MACROD2: variants seen among roughly 807,000 people sequenced by gnomAD.
MACROD2 encodes mono-ADP ribosylhydrolase 2.
In MACROD2, 36 loss-of-function variants were observed where a neutral mutation model predicts 70.4. That is an observed-to-expected ratio of 0.51 (90% CI 0.39 to 0.68). MACROD2 has a LOEUF of 0.68. MACROD2 is among the 30% of genes least tolerant of loss of function. The pLI, the probability that MACROD2 is intolerant of heterozygous loss-of-function variation, is 0.00. For missense variants in MACROD2, 496 were observed against 538.4 expected, an observed-to-expected ratio of 0.92 and a Z score of 0.78; for synonymous variants, 172 against 178.8, an observed-to-expected ratio of 0.96 and a Z score of 0.30.
intron 8 of MACROD2, among the ~76,000 whole-genome samples, chr20:15,626,189 A>G (rs1225788856): frequency 6.6e-6 from 1 of 152,210 alleles, no homozygotes; most frequent in Non-Finnish European, 1.5e-5. Context: ...ACTGGAAAAA[A>G]TCCAGAAGAA....
At chr20:15,087,760 T>G (rs2075759696) in intron 5 of MACROD2, among the ~76,000 whole-genome samples, 2 of 151,844 alleles carry the variant, frequency 1.3e-5, no homozygotes, top group South Asian at 4.1e-4. Flanking sequence ...AAAAGACAAA[T>G]ATGAGTGGGA....
intron 5 of MACROD2, among the ~76,000 whole-genome samples, chr20:15,219,992 A>ATTTTTTTTTTTTTTTT: frequency 7.3e-6 from 1 of 137,798 alleles, no homozygotes; most frequent in Non-Finnish European, 1.6e-5. Context: ...ATCACTGCAC[A>ATTTTTTTTTTTTTTTT]TTTTTTTTTT....
At chr20:13,996,786 T>G (rs575129747) in intron 1 of MACROD2, among the ~76,000 whole-genome samples, 1 of 152,358 alleles carries the variant, frequency 6.6e-6, no homozygotes, top group African/African-American at 2.4e-5. Context: ...TAGCAAAAAC[T>G]TCTTGCACTC....
intron 2 of MACROD2, among the ~76,000 whole-genome samples, chr20:14,010,015 T>G (rs1337722706): frequency 6.6e-6 from 1 of 152,116 alleles, no homozygotes; most frequent in Non-Finnish European, 1.5e-5. Flanking sequence ...GAATAGCTAA[T>G]GGATGCTGGG....
chr20:15,464,322 A>G (rs2046857088), intron 7 of MACROD2, among the ~76,000 whole-genome samples: 1 of 152,098 alleles, frequency 6.6e-6, no homozygotes, highest in Non-Finnish European at 1.5e-5. Context: ...GACCCATCTA[A>G]CTGGCTGTTC....
chr20:15,786,962 G>GTTTTGT (rs1166894431), intron 8 of MACROD2, among the ~76,000 whole-genome samples: 2 of 151,974 alleles, frequency 1.3e-5, no homozygotes, highest in African/African-American at 4.8e-5. Flanking sequence ...TTTTTGTTTT[G>GTTTTGT]TTTTGTTTTT....
intron 3 of MACROD2, among the ~76,000 whole-genome samples, chr20:14,351,754 C>G (rs1009717980): frequency 6.6e-6 from 1 of 152,168 alleles, no homozygotes; most frequent in Non-Finnish European, 1.5e-5. Context: ...ACTGCTCTAG[C>G]TAGGACTTTC....
chr20:14,402,949 A>G (rs773398003), intron 3 of MACROD2, among the ~76,000 whole-genome samples: 1 of 152,190 alleles, frequency 6.6e-6, no homozygotes, highest in Non-Finnish European at 1.5e-5. Context: ...ACTCAAAGGA[A>G]TGTAAATGGC....
chr20:14,450,919 A>G (rs1376405234), intron 3 of MACROD2, among the ~76,000 whole-genome samples: 2 of 152,160 alleles, frequency 1.3e-5, no homozygotes, highest in African/African-American at 4.8e-5. Flanking sequence ...AGTAGGCAAG[A>G]GAGCCAGACA....
intron 5 of MACROD2, among the ~76,000 whole-genome samples, chr20:15,227,494 A>G (rs1444113874): frequency 6.6e-6 from 1 of 152,088 alleles, no homozygotes; most frequent in East Asian, 1.9e-4. Context: ...TCCACAAAAT[A>G]AGAGAACCAT....
intron 8 of MACROD2, among the ~76,000 whole-genome samples, chr20:15,642,464 C>T (rs1262653708): frequency 2.0e-5 from 3 of 151,910 alleles, no homozygotes; most frequent in African/African-American, 4.8e-5. Flanking sequence ...TCAATTACCC[C>T]AGGTAAGGAA....
At position 15,492,532 on chromosome 20, in the gene MACROD2, G is replaced by A. The variant is rs142933870; in HGVS notation, c.572-7242G>A. Among the ~76,000 whole-genome samples, 397 of 152,244 alleles carry A rather than the reference G, an allele frequency of 2.6e-3. 2 individuals carry two copies. Among genetic ancestry groups the A allele is most frequent in the African/African-American group, 9.2e-3 (381 of 41,558 alleles). On this transcript the variant is annotated intron_variant, in intron 7 of 17. Coordinates refer to ENST00000684519, the MANE Select transcript of MACROD2 (RefSeq NM_001351661.2). ...ACAACAGAACTTGTGTGCTAAGATG[G>A]AAAAATATTATGGCTATGTTCTCTG...
intron 3 of MACROD2, among the ~76,000 whole-genome samples, chr20:14,310,309 A>C (rs1161635423): frequency 6.6e-6 from 1 of 152,176 alleles, no homozygotes; most frequent in Non-Finnish European, 1.5e-5. Context: ...TTGATCCTAC[A>C]CTTAATGAAC....
rs6033866 is a variant in MACROD2 at position 13,997,096 on chromosome 20, A to T, written c.46+1287A>T. On this transcript the variant is annotated intron_variant, in intron 1 of 17. Transcript: ENST00000684519. Reference sequence around the variant, plus strand: ...CGTGAGGAGGGAATTTTTTTTTTCAAATTTACTGCAGGAAGATTTAATAAT... The same window carrying T: ...CGTGAGGAGGGAATTTTTTTTTTCATATTTACTGCAGGAAGATTTAATAAT... Among the ~76,000 whole-genome samples, 1,425 of 152,212 alleles carry T rather than the reference A, an allele frequency of 9.4e-3. 17 individuals are homozygous for T. Among genetic ancestry groups the T allele is most frequent in the African/African-American group, 0.032 (1,344 of 41,542 alleles).
chr20:15,765,220 C>T (rs754101853), intron 8 of MACROD2, among the ~76,000 whole-genome samples: 1 of 152,168 alleles, frequency 6.6e-6, no homozygotes, highest in Non-Finnish European at 1.5e-5. Flanking sequence ...GAAAGGAATT[C>T]TGGATGCAAT....
At chr20:15,980,220 G>C (rs960775036) in intron 13 of MACROD2, among the ~76,000 whole-genome samples, 1 of 152,176 alleles carries the variant, frequency 6.6e-6, no homozygotes, top group African/African-American at 2.4e-5. Flanking sequence ...GGCCAGGCAG[G>C]CCCAGGCCTG....
At chr20:15,266,837 G>T (rs1012170273) in intron 6 of MACROD2, among the ~76,000 whole-genome samples, 12 of 152,146 alleles carry the variant, frequency 7.9e-5, no homozygotes, top group African/African-American at 2.9e-4. Context: ...ACTACTCATG[G>T]TTACCTAAAT....
intron 3 of MACROD2, among the ~76,000 whole-genome samples, chr20:14,135,949 C>G (rs1247220349): frequency 6.6e-6 from 1 of 152,096 alleles, no homozygotes; most frequent in East Asian, 1.9e-4. Flanking sequence ...AATGTCCATG[C>G]TCACCATTTC....
intron 3 of MACROD2, among the ~76,000 whole-genome samples, chr20:14,439,723 A>T (rs1240103730): frequency 1.3e-5 from 2 of 152,174 alleles, no homozygotes; most frequent in Non-Finnish European, 2.9e-5. Flanking sequence ...TGAGGATTGA[A>T]TGAGTTAAAT....
Sources: gnomAD v4.1 joint callset for allele counts (sites outside exome capture counted in the v4.1 genomes callset) on GRCh38, gnomAD v4.1.1 for gene constraint, MANE v1.5 for transcripts, NCBI Gene and HGNC (gene_info 2026-07-23, HGNC 2026-07-21) for gene names.